CDK14: variants seen among roughly 807,000 people sequenced by gnomAD.
CDK14 encodes the protein cyclin dependent kinase 14.
In CDK14, 34 loss-of-function variants were observed where a neutral mutation model predicts 60.7. That is an observed-to-expected ratio of 0.56 (90% CI 0.43 to 0.75). CDK14 has a LOEUF of 0.75. Among genes scored for constraint, CDK14 ranks in the 30% least tolerant of loss-of-function variants. CDK14 has a pLI of 0.00. For synonymous variants in CDK14, 197 were observed against 203.7 expected (o/e 0.97, Z 0.28); for missense variants, 482 against 564.1 (o/e 0.85, Z 1.47).
At chr7:91,088,569 ATGTG>A (rs35277214) in intron 12 of CDK14, among the ~76,000 whole-genome samples, 11,463 of 149,586 alleles carry the variant, frequency 0.077, 617 homozygotes, top group African/African-American at 0.16. Context: ...GTTTATATAT[ATGTG>A]TGTGTGTGTG....
At chr7:90,913,169 G>A (rs1245788199) in intron 7 of CDK14, among the ~76,000 whole-genome samples, 1 of 152,156 alleles carries the variant, frequency 6.6e-6, no homozygotes, top group Non-Finnish European at 1.5e-5. Context: ...ACAACCAAGA[G>A]AAGTGATTTT....
At chr7:90,707,735 TGTCCTTCTTCTCCTG>T (rs1313890322) in intron 2 of CDK14, among the ~76,000 whole-genome samples, 2 of 152,194 alleles carry the variant, frequency 1.3e-5, no homozygotes, top group Non-Finnish European at 1.5e-5. Context: ...ATTCCCCAAA[TGTCCTTCTTCTCCTG>T]GGTAGTACTG....
intron 14 of CDK14, among the ~76,000 whole-genome samples, chr7:91,145,943 T>C (rs1800620931): frequency 3.3e-5 from 5 of 151,706 alleles, no homozygotes; most frequent in Admixed American, 3.3e-4. Context: ...TATTTATTTA[T>C]TTATTTATTT....
chr7:91,104,454 G>A (rs1799229579), intron 12 of CDK14, among the ~76,000 whole-genome samples: 1 of 152,166 alleles, frequency 6.6e-6, no homozygotes. Flanking sequence ...AAAATCTGCA[G>A]TCTTCCATCT....
At chr7:90,661,776 A>G (rs1277012030) in intron 2 of CDK14, among the ~76,000 whole-genome samples, 2 of 152,128 alleles carry the variant, frequency 1.3e-5, no homozygotes, top group Non-Finnish European at 2.9e-5. Context: ...TGTCACTTGA[A>G]GGTCTAGGAG....
chr7:90,668,665 AT>A (rs1388249216), intron 2 of CDK14, among the ~76,000 whole-genome samples: 17 of 113,564 alleles, frequency 1.5e-4, no homozygotes, highest in Middle Eastern at 5.6e-3. Flanking sequence ...ATTTGAGTTA[AT>A]TTTTTTATAT....
At chr7:91,021,350 T>C (rs1796429873) in intron 10 of CDK14, among the ~76,000 whole-genome samples, 3 of 152,234 alleles carry the variant, frequency 2.0e-5, no homozygotes, top group Admixed American at 2.0e-4. Flanking sequence ...AATATCTACC[T>C]GATAGGATGG....
At chr7:91,096,065 C>CAAAAAAACAA (rs1798977658) in intron 12 of CDK14, among the ~76,000 whole-genome samples, 1 of 64,556 alleles carries the variant, frequency 1.5e-5, no homozygotes, top group African/African-American at 6.4e-5. Flanking sequence ...CACAATTTGC[C>CAAAAAAACAA]AAAAAAAAAA....
intron 10 of CDK14, among the ~76,000 whole-genome samples, chr7:91,031,501 G>A (rs144409393): frequency 1.1e-3 from 164 of 151,948 alleles, no homozygotes; most frequent in Middle Eastern, 3.4e-3. Context: ...ATTGTTATAA[G>A]GACAACAAAG....
chr7:91,086,769 AC>A (rs1489997420), intron 12 of CDK14, among the ~76,000 whole-genome samples: 2 of 152,014 alleles, frequency 1.3e-5, no homozygotes, highest in East Asian at 3.9e-4. Context: ...AGTCATTTTT[AC>A]CTCTCCTTAT....
At chr7:91,144,793 A>G (rs1394492705) in intron 14 of CDK14, among the ~76,000 whole-genome samples, 1 of 152,196 alleles carries the variant, frequency 6.6e-6, no homozygotes, top group African/African-American at 2.4e-5. Context: ...GTTAAAAACA[A>G]TGTGAAGAAT....
At chr7:90,667,269 C>T (rs920356903) in intron 2 of CDK14, among the ~76,000 whole-genome samples, 1 of 152,058 alleles carries the variant, frequency 6.6e-6, no homozygotes, top group Admixed American at 6.5e-5. Context: ...ATACCCAGCC[C>T]GTATTCGAGT....
intron 2 of CDK14, among the ~76,000 whole-genome samples, chr7:90,609,546 C>A (rs28951073): frequency 6.6e-6 from 1 of 152,100 alleles, no homozygotes; most frequent in East Asian, 1.9e-4. Context: ...CCTCCCCCTT[C>A]GCTGTCTTGC....
intron 2 of CDK14, among the ~76,000 whole-genome samples, chr7:90,693,987 TAAA>T (rs1801606784): frequency 6.6e-6 from 1 of 152,164 alleles, no homozygotes; most frequent in African/African-American, 2.4e-5. Context: ...GGTGAGGAGA[TAAA>T]AGAAGATTTA....
intron 2 of CDK14, among the ~76,000 whole-genome samples, chr7:90,706,670 C>T (rs1036523349): frequency 2.0e-5 from 3 of 152,052 alleles, no homozygotes; most frequent in African/African-American, 7.2e-5. Context: ...AACAAGTCAG[C>T]CAAGGGGTTA....
intron 5 of CDK14, among the ~76,000 whole-genome samples, chr7:90,807,667 C>T (rs1301245441): frequency 6.6e-6 from 1 of 152,038 alleles, no homozygotes; most frequent in Admixed American, 6.6e-5. Flanking sequence ...CAAACTACTC[C>T]GAACTAAAGG....
chr7:90,813,612 G>A (rs914840049), intron 5 of CDK14, among the ~76,000 whole-genome samples: 4 of 152,094 alleles, frequency 2.6e-5, no homozygotes, highest in Non-Finnish European at 5.9e-5. Flanking sequence ...AGCTGGGCAC[G>A]GTGGCATGTG....
chr7:91,197,807 A>G (rs767371349), intron 14 of CDK14, among the ~76,000 whole-genome samples: 3 of 152,268 alleles, frequency 2.0e-5, no homozygotes, highest in Non-Finnish European at 4.4e-5. Flanking sequence ...ATAGAAATAT[A>G]GCAACATGCT....
chr7:90,812,301 G>C (rs1490321745), intron 5 of CDK14, among the ~76,000 whole-genome samples: 1 of 152,184 alleles, frequency 6.6e-6, no homozygotes, highest in African/African-American at 2.4e-5. Flanking sequence ...AAAATGATGA[G>C]TTCATGTCTT....
Sources: gnomAD v4.1 joint callset for allele counts (sites outside exome capture counted in the v4.1 genomes callset) on GRCh38, gnomAD v4.1.1 for gene constraint, MANE v1.5 for transcripts, NCBI Gene and HGNC (gene_info 2026-07-23, HGNC 2026-07-21) for gene names.